Variants in TMEM131L observed in about 807,000 individuals in gnomAD.
TMEM131L encodes transmembrane 131 like.
A neutral mutation model predicts 192.2 loss-of-function variants in TMEM131L; 54 were observed. The ratio of observed to expected loss-of-function variants is 0.28; its 90% confidence interval spans 0.23 to 0.35. TMEM131L has a LOEUF of 0.35. Among genes scored for constraint, TMEM131L ranks in the 10% least tolerant of loss-of-function variants. The pLI is 1.00. For missense variants in TMEM131L, 1,888 were observed against 1,972.9 expected (o/e 0.96, Z 0.82); for synonymous variants, 701 against 704.9 (o/e 0.99, Z 0.09).
intron 7 of TMEM131L, among the ~76,000 whole-genome samples, chr4:153,566,778 A>AT (rs1178657782): frequency 1.3e-5 from 2 of 152,054 alleles, no homozygotes; most frequent in East Asian, 1.9e-4. Context: ...TGGATGAGAG[A>AT]TTTTCTCCCC....
chr4:153,506,482 C>G (rs975508880), intron 3 of TMEM131L, among the ~76,000 whole-genome samples: 2 of 152,106 alleles, frequency 1.3e-5, no homozygotes, highest in East Asian at 3.9e-4. Context: ...ACTTTAAGCC[C>G]TTACTGTTAG....
intron 9 of TMEM131L, among the ~76,000 whole-genome samples, chr4:153,582,678 T>C (rs1453487453): frequency 1.3e-5 from 2 of 152,058 alleles, no homozygotes; most frequent in African/African-American, 4.8e-5. Context: ...CCTCAGTGCT[T>C]GGTGATTCTC....
chr4:153,550,074 T>C lies in TMEM131L; in HGVS notation c.241T>C (p.Phe81Leu), dbSNP rs1313086394. Residue 81 changes from phenylalanine to leucine, a missense_variant and splice_region_variant, in exon 4 of 35, where the codon TTC becomes CTC. By Grantham distance (22) the Phe-to-Leu change is conservative. Coordinates refer to ENST00000409959, the MANE Select transcript of TMEM131L (RefSeq NM_001131007.2). ...TCAACCTCTCTTTTCTTTTTTTAGC[T>C]TCTCGGACAAACTATTTAGTGGAAA... ...GLEEPSQEQS[F>L]SDKLFSGKGL... 3 of 1,475,518 alleles carry C rather than the reference T, an allele frequency of 2.0e-6. No homozygotes were observed. Among genetic ancestry groups the C allele is most frequent in the Non-Finnish European group, 2.7e-6 (3 of 1,100,830 alleles). The allele number at this position is 1,475,518 out of a possible 1,614,324, so 91.4% of individuals were successfully genotyped here. A position where few individuals can be genotyped will look rare whatever the true frequency, so the allele number is the denominator to read the frequency against.
intron 3 of TMEM131L, among the ~76,000 whole-genome samples, chr4:153,515,716 T>C (rs569097304): frequency 2.0e-5 from 3 of 152,342 alleles, no homozygotes; most frequent in African/African-American, 7.2e-5. Flanking sequence ...ACAGGTAAAG[T>C]ATGATAGTTG....
intron 3 of TMEM131L, among the ~76,000 whole-genome samples, chr4:153,528,932 G>A (rs1163035299): frequency 3.9e-5 from 6 of 152,244 alleles, no homozygotes; most frequent in East Asian, 1.9e-4. Flanking sequence ...GCACCCTTTC[G>A]GTAGGGTAAG....
chr4:153,597,441 C>T (rs1320179578), intron 20 of TMEM131L, among the ~76,000 whole-genome samples: 1 of 151,872 alleles, frequency 6.6e-6, no homozygotes, highest in Non-Finnish European at 1.5e-5. Context: ...TGGTTTCTGT[C>T]CTGTAAATAA....
At chr4:153,473,181 A>G (rs146376446) in intron 2 of TMEM131L, among the ~76,000 whole-genome samples, 1 of 152,296 alleles carries the variant, frequency 6.6e-6, no homozygotes, top group Non-Finnish European at 1.5e-5. Context: ...GGAGGGAGCC[A>G]TAGTAGGTTC....
chr4:153,615,095 A>G (rs1194845401), intron 26 of TMEM131L, among the ~76,000 whole-genome samples: 1 of 152,222 alleles, frequency 6.6e-6, no homozygotes, highest in Non-Finnish European at 1.5e-5. Context: ...AATCTGCATC[A>G]TCATGTATTC....
At chr4:153,493,674 C>T (rs758029156) in intron 3 of TMEM131L, among the ~76,000 whole-genome samples, 2 of 151,828 alleles carry the variant, frequency 1.3e-5, no homozygotes, top group African/African-American at 2.4e-5. Context: ...AGAAAAAAAA[C>T]GCTTGGAGCC....
chr4:153,550,920 G>A (rs373552906), intron 4 of TMEM131L, among the ~76,000 whole-genome samples: 4 of 152,156 alleles, frequency 2.6e-5, no homozygotes, highest in African/African-American at 7.2e-5. Flanking sequence ...GTAAAGAACC[G>A]CAAGATGAAG....
chr4:153,591,312 C>T, intron 17 of TMEM131L, 118 bp downstream of exon 17: 1 of 908,266 alleles, frequency 1.1e-6, no homozygotes, highest in South Asian at 2.5e-5. Flanking sequence ...AAGGCGATGT[C>T]AAAAGAACTA....
chr4:153,610,638 T>C (rs1011655239), intron 25 of TMEM131L, among the ~76,000 whole-genome samples: 2 of 152,240 alleles, frequency 1.3e-5, no homozygotes, highest in Middle Eastern at 6.3e-3. Context: ...AATAAAAGTA[T>C]GTTTACCTGG....
At chr4:153,479,889 A>G (rs1731799319) in intron 3 of TMEM131L, among the ~76,000 whole-genome samples, 1 of 152,230 alleles carries the variant, frequency 6.6e-6, no homozygotes, top group African/African-American at 2.4e-5. Context: ...GAGTGGAACT[A>G]CTTCTCACTT....
intron 25 of TMEM131L, among the ~76,000 whole-genome samples, chr4:153,608,520 A>G (rs1388853704): frequency 6.6e-6 from 1 of 152,236 alleles, no homozygotes; most frequent in Non-Finnish European, 1.5e-5. Flanking sequence ...ACCAAGGAGA[A>G]ATAGTGAGCA....
At chr4:153,586,533 A>G in intron 14 of TMEM131L, 154 bp downstream of exon 14, 1 of 490,250 alleles carries the variant, frequency 2.0e-6, no homozygotes, top group Non-Finnish European at 3.5e-6. Context: ...TTGGATGATA[A>G]ATTGTTCAGA....
rs1220164871 is a variant in TMEM131L at position 153,466,424 on chromosome 4, C to A, written c.27C>A (p.Pro9=). ...TGGCGGGGCTCCGACGCCCGCAGCCCGGCTGCTACTGCCGCACCGCGGCGG... is the reference window on the plus strand; with the variant it reads ...TGGCGGGGCTCCGACGCCCGCAGCCAGGCTGCTACTGCCGCACCGCGGCGG... MAGLRRPQ[P]GCYCRTAAAV... is the part of the protein sequence containing the mutation. The change falls in exon 1 of 35, where the codon CCC becomes CCA. Residue 9 remains proline (P), a synonymous_variant. Coordinates refer to ENST00000409959, the MANE Select transcript of TMEM131L (RefSeq NM_001131007.2). The A allele has an allele frequency of 6.5e-6, 9 of 1,387,162 alleles. No homozygotes were observed. The African/African-American group carries it at 1.2e-4, about 18-fold the overall frequency. 85.9% of individuals were successfully genotyped at this position (1,387,162 alleles called of 1,614,324 possible). A position where few individuals can be genotyped will look rare whatever the true frequency, so the allele number is the denominator to read the frequency against.
intron 7 of TMEM131L, among the ~76,000 whole-genome samples, chr4:153,572,943 A>T (rs1729692224): frequency 6.6e-6 from 1 of 152,206 alleles, no homozygotes; most frequent in Non-Finnish European, 1.5e-5. Flanking sequence ...CCCTCATAGA[A>T]GTGGGATTAT....
intron 2 of TMEM131L, among the ~76,000 whole-genome samples, chr4:153,471,579 G>A (rs1441113494): frequency 6.6e-6 from 1 of 152,210 alleles, no homozygotes; most frequent in African/African-American, 2.4e-5. Context: ...ATCAGTTCTA[G>A]CTGCAAGAAG....
In TMEM131L at chr4:153,632,786, C is replaced by T; in HGVS notation, c.4276C>T (p.Leu1426=). The T allele has an allele frequency of 1.3e-5, 21 of 1,614,116 alleles. No individual in the cohort carries two copies. The highest frequency in any genetic ancestry group is 1.5e-5 in the Non-Finnish European group (18 of 1,180,012). The change falls in exon 32 of 35, where the codon CTG becomes TTG. Residue 1426 remains leucine, a synonymous_variant. Coordinates refer to ENST00000409959, the MANE Select transcript of TMEM131L (RefSeq NM_001131007.2). ...TGTGACAAGCAGCTTAAACTGCACC[C>T]TGGAGAACGGCGTGCCTTGTGTGAT... The part of the protein sequence containing the change: ...VCVTSSLNCT[L]ENGVPCVIQE...
Sources: allele counts gnomAD v4.1 joint callset (sites outside exome capture counted in the v4.1 genomes callset), GRCh38; gene constraint gnomAD v4.1.1; transcripts MANE v1.5; gene names NCBI Gene and HGNC (gene_info 2026-07-23, HGNC 2026-07-21).